Variants in ZFHX3 observed in about 807,000 individuals in gnomAD.
ZFHX3 encodes zinc finger homeobox protein 3.
In ZFHX3, 42 loss-of-function variants were observed where a neutral mutation model predicts 279.1. The ratio of observed to expected loss-of-function variants is 0.15; its 90% CI spans 0.12 to 0.19. ZFHX3 has a LOEUF of 0.19. Among genes scored for constraint, ZFHX3 ranks in the 10% least tolerant of loss-of-function variants. The pLI is 1.00. For missense variants in ZFHX3, 4,981 were observed against 4,754.0 expected, an observed-to-expected ratio of 1.05 and a Z score of -1.40; for synonymous variants, 2,293 against 1,957.8, an observed-to-expected ratio of 1.17 and a Z score of -4.52.
intron 4 of ZFHX3, among the ~76,000 whole-genome samples, chr16:72,838,186 G>C (rs945929068): frequency 6.6e-6 from 1 of 152,068 alleles, no homozygotes; most frequent in Admixed American, 6.5e-5. Flanking sequence ...CAGGCTCTAA[G>C]AATCAACACT....
At chr16:72,830,005 G>A (rs895771765) in intron 4 of ZFHX3, 146 bp from the exon 5 acceptor site, 14 of 791,296 alleles carry the variant, frequency 1.8e-5, no homozygotes, top group African/African-American at 1.6e-4. Flanking sequence ...GGAGACTGAC[G>A]GTGCTAAGGA....
intron 3 of ZFHX3, among the ~76,000 whole-genome samples, chr16:73,414,160 TTAAGGCATAG>T (rs1457532074): frequency 6.6e-6 from 1 of 152,252 alleles, no homozygotes; most frequent in African/African-American, 2.4e-5. Flanking sequence ...GTATATAAAC[TTAAGGCATAG>T]ACCTTCAAGT....
chr16:73,177,113 A>G (rs1967682615), intron 5 of ZFHX3, among the ~76,000 whole-genome samples: 1 of 152,180 alleles, frequency 6.6e-6, no homozygotes, highest in South Asian at 2.1e-4. Flanking sequence ...TAAAATTAAT[A>G]TCTGCACTCC....
At chr16:73,675,796 GA>G (rs886289645) in intron 2 of ZFHX3, among the ~76,000 whole-genome samples, 1 of 151,646 alleles carries the variant, frequency 6.6e-6, no homozygotes. Context: ...TCTAGGCATA[GA>G]AAAAAACAAT....
At chr16:73,665,546 G>C (rs2052829008) in intron 2 of ZFHX3, among the ~76,000 whole-genome samples, 1 of 151,772 alleles carries the variant, frequency 6.6e-6, no homozygotes, top group Non-Finnish European at 1.5e-5. Context: ...AGGATGCTGA[G>C]ACCCAGGAAG....
At chr16:73,024,026 A>T (rs1964408085) in intron 1 of ZFHX3, among the ~76,000 whole-genome samples, 2 of 152,198 alleles carry the variant, frequency 1.3e-5, no homozygotes, top group Admixed American at 6.5e-5. Flanking sequence ...TATTACCATT[A>T]AACAACATGC....
chr16:72,915,425 A>T (rs1462282702), intron 3 of ZFHX3, among the ~76,000 whole-genome samples: 2 of 152,008 alleles, frequency 1.3e-5, no homozygotes, highest in Non-Finnish European at 1.5e-5. Flanking sequence ...CTCTGCTCCA[A>T]CCTGTCCACC....
intron 3 of ZFHX3, among the ~76,000 whole-genome samples, chr16:73,344,179 C>A (rs558543026): frequency 7.9e-5 from 12 of 152,258 alleles, no homozygotes; most frequent in Non-Finnish European, 1.3e-4. Context: ...GATAACATCA[C>A]AAATAATGGC....
In ZFHX3 at chr16:72,961,171, G is replaced by A. The variant is rs183667545; in HGVS notation, c.-49-977C>T. Among the ~76,000 whole-genome samples the A allele has an allele frequency of 1.8e-3, 270 of 152,260 alleles. 1 individual carries two copies. Among genetic ancestry groups the A allele is most frequent in the Middle Eastern group, 0.014 (4 of 294 alleles). On this transcript the variant is annotated intron_variant, in intron 1 of 9. Transcript: ENST00000268489. ...GAGTGCGTTCCCCACGTGCCTGGTG[G>A]TTTTTGCTATCAAGGATCTGAGCAG... is the stretch of plus-strand genomic sequence containing the variant.
intron 2 of ZFHX3, among the ~76,000 whole-genome samples, chr16:73,502,938 A>T (rs1648371062): frequency 6.6e-6 from 1 of 152,216 alleles, no homozygotes; most frequent in African/African-American, 2.4e-5. Context: ...ATTCACCAAC[A>T]TGATAACTCT....
intron 2 of ZFHX3, among the ~76,000 whole-genome samples, chr16:73,600,666 C>A (rs528452433): frequency 6.6e-6 from 1 of 151,998 alleles, no homozygotes; most frequent in Non-Finnish European, 1.5e-5. Flanking sequence ...GTGATCCGCC[C>A]GCCTCGGCCT....
chr16:73,473,339 C>CAAAAAAAAAAAAAAAAAAAAAAAAAAAA (rs11347779), intron 2 of ZFHX3, among the ~76,000 whole-genome samples: 14 of 76,660 alleles, frequency 1.8e-4, no homozygotes, highest in Middle Eastern at 9.3e-3. Flanking sequence ...TGTCTCAAAG[C>CAAAAAAAAAAAAAAAAAAAAAAAAAAAA]AAAAAAAAAA....
rs190830459 is a variant in ZFHX3, at chr16:73,725,616, G to A, written c.-1607-45376C>T. Reference sequence around the variant, plus strand: ...ATAGGGTGGATGCAGACTGCTTAGGGCCTGGGATAAGAGAACAAAATGGTA... The same window carrying A: ...ATAGGGTGGATGCAGACTGCTTAGGACCTGGGATAAGAGAACAAAATGGTA... On this transcript the variant is annotated intron_variant, in intron 1 of 17. Coordinates refer to the ZFHX3 transcript ENST00000641206. Among the ~76,000 whole-genome samples, 35 of 152,110 alleles carry A rather than the reference G, an allele frequency of 2.3e-4. No individual in the cohort carries two copies. In the East Asian group the frequency reaches 6.6e-3, roughly 29 times the overall value.
intron 7 of ZFHX3, among the ~76,000 whole-genome samples, chr16:73,122,922 AAAG>A (rs1966517564): frequency 6.6e-6 from 1 of 152,116 alleles, no homozygotes; most frequent in Non-Finnish European, 1.5e-5. Flanking sequence ...CAACTGAAGA[AAAG>A]AAAAGATTCT....
At chr16:72,870,572 G>A (rs9930403) in intron 4 of ZFHX3, among the ~76,000 whole-genome samples, 4,840 of 151,706 alleles carry the variant, frequency 0.032, 276 homozygotes, top group African/African-American at 0.11. Flanking sequence ...AGCCGGGAGT[G>A]GTGGCAGTGG....
chr16:72,920,160 C>G (rs2039547585), intron 3 of ZFHX3, among the ~76,000 whole-genome samples: 1 of 151,780 alleles, frequency 6.6e-6, no homozygotes. Context: ...CTTAACTAGT[C>G]CAACTGAAGA....
At chr16:73,223,331 G>A (rs565430610) in intron 5 of ZFHX3, among the ~76,000 whole-genome samples, 24 of 152,208 alleles carry the variant, frequency 1.6e-4, no homozygotes, top group Non-Finnish European at 2.9e-4. Context: ...TCTGATAAAG[G>A]ACTGTTATCC....
At chr16:73,236,552 CA>C (rs2012955557) in intron 5 of ZFHX3, among the ~76,000 whole-genome samples, 1 of 152,016 alleles carries the variant, frequency 6.6e-6, no homozygotes, top group African/African-American at 2.4e-5. Context: ...GAGCTGAGAT[CA>C]TGCCACTGCA....
rs184770250 is a variant in ZFHX3, at chr16:73,323,295, G to A, written c.-1290-4959C>T. On this transcript the variant is annotated intron_variant, in intron 3 of 17. Coordinates refer to the ZFHX3 transcript ENST00000641206. ...GAGGCAGCATGACTGTTTGAGGGAT[G>A]GCAAGAATAACCATCCAGCTAGGAC... Among the ~76,000 whole-genome samples, 8 of 152,286 alleles carry A rather than the reference G, an allele frequency of 5.3e-5. No individual in the cohort carries two copies. In the East Asian group the frequency reaches 1.5e-3, roughly 29 times the overall value.
Sources: allele counts gnomAD v4.1 joint callset (sites outside exome capture counted in the v4.1 genomes callset), GRCh38; gene constraint gnomAD v4.1.1; transcripts MANE v1.5; gene names NCBI Gene and HGNC (gene_info 2026-07-23, HGNC 2026-07-21).